Variants in TRPV4 observed in about 807,000 individuals in gnomAD.
The protein encoded by TRPV4 is OSM9-like transient receptor potential channel 4.
TRPV4 carries 58 observed loss-of-function variants against 84.1 expected under a neutral mutation model. That is an observed-to-expected ratio of 0.69 (90% CI 0.56 to 0.86). The LOEUF (loss-of-function observed/expected upper bound fraction) is 0.86. Among genes scored for constraint, TRPV4 ranks in the 40% least tolerant of loss-of-function variants. The pLI is 0.00. For missense variants in TRPV4, 879 were observed against 1,181.1 expected (o/e 0.74, Z 3.75); for synonymous variants, 489 against 500.9 (o/e 0.98, Z 0.32).
chr12:109,786,885 G>C lies in TRPV4; in HGVS notation c.2209-48C>G, dbSNP rs750957412. 2 of 1,610,720 alleles carry C rather than the reference G, an allele frequency of 1.2e-6. No individual in the cohort carries two copies. The highest frequency in any genetic ancestry group is 1.7e-6 in the Non-Finnish European group (2 of 1,178,560). On this transcript the variant is annotated intron_variant, in intron 13 of 15. Coordinates refer to ENST00000261740, the MANE Select transcript of TRPV4 (RefSeq NM_021625.5). The surrounding 1 kb of genome is among the most constrained non-coding windows in gnomAD (Gnocchi z 4.5). ...GGGACATCGGTGAGCCTCACAGCCT[G>C]CGCCTGCCGCTCTGGTGGCAGAAAT...
intron 5 of TRPV4, among the ~76,000 whole-genome samples, chr12:109,799,311 G>C (rs1017289784): frequency 2.0e-5 from 3 of 152,110 alleles, no homozygotes; most frequent in African/African-American, 7.2e-5. Flanking sequence ...ACCACACCTG[G>C]CTAATTTTTG....
At chr12:109,784,042 T>C (rs1889525528) in intron 15 of TRPV4, among the ~76,000 whole-genome samples, 1 of 152,186 alleles carries the variant, frequency 6.6e-6, no homozygotes, top group Non-Finnish European at 1.5e-5. Flanking sequence ...GCTCATGGCT[T>C]ACTGGACAAA....
chr12:109,794,334 C>A lies in TRPV4; in HGVS notation c.1486G>T (p.Gly496Cys). The part of the protein sequence containing the change: ...TLTAYYQPLE[G>C]TPPYPYRTTV... Reference sequence around the variant, plus strand: ...CCCGGTCCCCGGGCACTCACTGTGCCCTCCAGCGGCTGGTAGTAGGCGGTG... The same window carrying A: ...CCCGGTCCCCGGGCACTCACTGTGCACTCCAGCGGCTGGTAGTAGGCGGTG... The change falls in exon 8 of 16, where the codon GGC becomes TGC. Residue 496 changes from glycine (G) to cysteine (C), a missense_variant. Coordinates refer to ENST00000261740, the MANE Select transcript of TRPV4 (RefSeq NM_021625.5). The A allele has an allele frequency of 1.2e-6, 2 of 1,612,008 alleles. No homozygotes were observed. Among genetic ancestry groups the A allele is most frequent in the Non-Finnish European group, 1.7e-6 (2 of 1,180,020 alleles).
chr12:109,824,014 G>A (rs1892182175), intron 1 of TRPV4, among the ~76,000 whole-genome samples: 1 of 151,974 alleles, frequency 6.6e-6, no homozygotes, highest in African/African-American at 2.4e-5. Context: ...ACCCAGGCTA[G>A]AGTATAAGTG....
At chr12:109,789,965 C>T (rs1406040855) in intron 12 of TRPV4, among the ~76,000 whole-genome samples, 1 of 152,168 alleles carries the variant, frequency 6.6e-6, no homozygotes, top group East Asian at 1.9e-4. Flanking sequence ...AGACCTGCAA[C>T]CAAGCTGACT....
intron 1 of TRPV4, among the ~76,000 whole-genome samples, chr12:109,825,168 C>T (rs1349627781): frequency 6.6e-6 from 1 of 151,822 alleles, no homozygotes; most frequent in Non-Finnish European, 1.5e-5. Context: ...ATGGTGAGAT[C>T]CCATCTCTAC....
At chr12:109,808,132 A>T (rs1375709003) in intron 3 of TRPV4, among the ~76,000 whole-genome samples, 164 bp downstream of exon 3, 1 of 152,224 alleles carries the variant, frequency 6.6e-6, no homozygotes, top group Non-Finnish European at 1.5e-5. Flanking sequence ...GTTAAGTAAC[A>T]TGGTGAAGGA....
rs955455114 is a variant in TRPV4 at position 109,796,566 on chromosome 12, C to T, written c.1291G>A (p.Ala431Thr). 3 of 1,614,170 alleles carry T rather than the reference C, an allele frequency of 1.9e-6. No individual in the cohort carries two copies. Among genetic ancestry groups the T allele is most frequent in the Admixed American group, 1.7e-5 (1 of 60,026 alleles). The change falls in exon 7 of 16, where the codon GCC (alanine) becomes ACC (threonine). Residue 431 changes from alanine (A) to threonine (T), a missense_variant. Ala to Thr is a moderately conservative substitution (Grantham distance 58). Transcript: ENST00000261740. This position sits in a 1 kb window ranked among gnomAD's most constrained non-coding sequence, Gnocchi z 4.2. ...TACACCAGGATCTCCAGCACGGAGG[C>T]CTCTTCCCCACACGTGTCCAGGGAG... ...LSSLDTCGEE[A>T]SVLEILVYNS...
chr12:109,833,154 A>G (rs1362247574), intron 1 of TRPV4, among the ~76,000 whole-genome samples, 196 bp downstream of exon 1: 1 of 152,162 alleles, frequency 6.6e-6, no homozygotes, highest in Non-Finnish European at 1.5e-5. Flanking sequence ...CGAGACCCAA[A>G]GAGCCGGTGT....
At chr12:109,805,242 C>A (rs956594678) in intron 3 of TRPV4, among the ~76,000 whole-genome samples, 12 of 152,224 alleles carry the variant, frequency 7.9e-5, no homozygotes, top group African/African-American at 2.7e-4. Flanking sequence ...TGCCCAACAA[C>A]CATTTGCTGA....
intron 1 of TRPV4, among the ~76,000 whole-genome samples, chr12:109,819,263 GGA>G (rs1406237790): frequency 6.6e-6 from 1 of 152,214 alleles, no homozygotes; most frequent in Non-Finnish European, 1.5e-5. Context: ...ATGCAGGCAG[GGA>G]GAGAGGCTGA....
rs766176063 is a variant in TRPV4 at position 109,794,504 on chromosome 12, G to A, written c.1333-17C>T. The A allele has an allele frequency of 5.6e-6, 9 of 1,613,486 alleles. No homozygotes were observed. Among genetic ancestry groups the A allele is most frequent in the Non-Finnish European group, 7.6e-6 (9 of 1,180,016 alleles). ...GTGGCGGTTCTAAGAGAGGCAGGGT[G>A]GTCGGGGGCTGCCTTCCTGAGATGG... On this transcript the variant is annotated splice_polypyrimidine_tract_variant and intron_variant, in intron 7 of 15. Coordinates refer to ENST00000261740, the MANE Select transcript of TRPV4 (RefSeq NM_021625.5).
rs1891817431 is a variant in TRPV4, at chr12:109,815,877, T to C, written c.-31-1050A>G. On this transcript the variant is annotated intron_variant, in intron 1 of 15. Coordinates refer to ENST00000261740, the MANE Select transcript of TRPV4 (RefSeq NM_021625.5). This position sits in a 1 kb window ranked among gnomAD's most constrained non-coding sequence, Gnocchi z 4.1. Reference sequence around the variant, plus strand: ...GAAGAAGAGCTGGACTTGAACCATGTCTCTCTGGCTCCCGGGTCCAGTGCT... The same window carrying C: ...GAAGAAGAGCTGGACTTGAACCATGCCTCTCTGGCTCCCGGGTCCAGTGCT... 6.6e-6 allele frequency among the ~76,000 whole-genome samples: 1 copy of C among 152,226 alleles called. No individual in the cohort carries two copies.
At chr12:109,802,476 A>G (rs1368580495) in intron 4 of TRPV4, among the ~76,000 whole-genome samples, 2 of 151,458 alleles carry the variant, frequency 1.3e-5, no homozygotes, top group East Asian at 1.9e-4. Flanking sequence ...TAATTTTTGC[A>G]TTTTCAGCAG....
intron 4 of TRPV4, 89 bp from the exon 5 acceptor site, chr12:109,800,847 A>C: frequency 1.1e-6 from 1 of 892,664 alleles, no homozygotes; most frequent in Non-Finnish European, 1.7e-6. Flanking sequence ...CAGGACGTAG[A>C]AATTGGGGGG....
intron 12 of TRPV4, among the ~76,000 whole-genome samples, chr12:109,791,880 C>T (rs1890054541): frequency 6.6e-6 from 1 of 152,004 alleles, no homozygotes; most frequent in African/African-American, 2.4e-5. Context: ...ACTTAGCTTA[C>T]AGGCTTGTTG....
chr12:109,784,827 C>A (rs1235393967), intron 14 of TRPV4, among the ~76,000 whole-genome samples: 1 of 98,602 alleles, frequency 1.0e-5, no homozygotes, highest in Non-Finnish European at 1.8e-5. Context: ...GGGGACAAAG[C>A]AAGACTCCAT....
At chr12:109,801,532 C>G (rs1890783090) in intron 4 of TRPV4, among the ~76,000 whole-genome samples, 1 of 152,154 alleles carries the variant, frequency 6.6e-6, no homozygotes, top group African/African-American at 2.4e-5. Context: ...TGTAAGTTTC[C>G]TGATGCCTCC....
At position 109,799,394 on chromosome 12, in the gene TRPV4, C is replaced by G. The variant is rs557848150; in HGVS notation, c.854-482G>C. ...AAACTCCTGACCTCAAGTGATCCGC[C>G]GACCTCGGCCTCCCAAAGTGCTGGG... On this transcript the variant is annotated intron_variant, in intron 5 of 15. Coordinates refer to ENST00000261740, the MANE Select transcript of TRPV4 (RefSeq NM_021625.5). Among the ~76,000 whole-genome samples the G allele has an allele frequency of 3.9e-5, 6 of 152,302 alleles. No individual in the cohort carries two copies. In the East Asian group the frequency reaches 1.2e-3, roughly 29 times the overall value.
Sources: gnomAD v4.1 joint callset for allele counts (sites outside exome capture counted in the v4.1 genomes callset) on GRCh38, gnomAD v4.1.1 for gene constraint, Gnocchi (gnomAD v3.1) non-coding constraint, MANE v1.5 for transcripts, NCBI Gene and HGNC (gene_info 2026-07-23, HGNC 2026-07-21) for gene names.